The following OR2T11 variants were observed in gnomAD, a reference collection of about 807,000 sequenced individuals.
OR2T11 encodes the protein olfactory receptor family 2 subfamily T member 11, also known as olfactory receptor 2T11.
A neutral mutation model predicts 13.5 loss-of-function variants in OR2T11; 14 were observed. The observed-to-expected ratio is 1.04, with a 90% CI of 0.69 to 1.62. The LOEUF (loss-of-function observed/expected upper bound fraction) is 1.62, where lower values mean the gene tolerates loss of function less well. OR2T11 is among the 40% of genes most tolerant of loss of function. The probability of loss-of-function intolerance (pLI) is 0.00; values close to 1 mark genes in which losing one functional copy is unlikely to be tolerated. For synonymous variants in OR2T11, 163 were observed against 154.6 expected, an observed-to-expected ratio of 1.05 and a Z score of -0.40; for missense variants, 410 against 389.7, an observed-to-expected ratio of 1.05 and a Z score of -0.44.
Position 248,630,530 on chromosome 1 carries a change from G to C in OR2T11, c.-144-3258C>G, listed in dbSNP as rs1377070383. Among the ~76,000 whole-genome samples the C allele has an allele frequency of 3.5e-5, 5 of 143,726 alleles. 1 individual carries two copies. In the East Asian group the frequency reaches 1.0e-3, roughly 29 times the overall value. 94.3% of individuals were successfully genotyped at this position (143,726 alleles called of 152,430 possible). A position where few individuals can be genotyped will look rare whatever the true frequency, so the allele number is the denominator to read the frequency against. On this transcript the variant is annotated intron_variant, in intron 1 of 1. Transcript: ENST00000641193. ...AATTAATAGGTTGAAGATAACTTTA[G>C]CTTCAAGTGTTATTATACACCCAGA...
chr1:248,631,230 TTC>T (rs1205402349), intron 1 of OR2T11, among the ~76,000 whole-genome samples: 1 of 143,722 alleles, frequency 7.0e-6, no homozygotes, highest in Non-Finnish European at 1.5e-5. Context: ...ATAAATGATT[TTC>T]TTACTTAGCT....
chr1:248,630,269 CA>C lies in OR2T11; in HGVS notation c.-144-2998del, dbSNP rs147379803. ...AAAATGGGATCCACCAATATTTGAT[CA>C]AAAAAAACTTCATTCTAGGAAAAAT... On this transcript the variant is annotated intron_variant, in intron 1 of 1. Transcript: ENST00000641193. Among the ~76,000 whole-genome samples the C allele has an allele frequency of 3.1e-4, 44 of 141,600 alleles. 8 individuals carry two copies. The highest frequency in any genetic ancestry group is 8.7e-4 in the African/African-American group (31 of 35,742). The allele number at this position is 141,600 out of a possible 152,430, so 92.9% of individuals were successfully genotyped here.
intron 1 of OR2T11, among the ~76,000 whole-genome samples, chr1:248,630,239 A>G (rs1357336573): frequency 7.1e-6 from 1 of 141,766 alleles, no homozygotes; most frequent in Non-Finnish European, 1.5e-5. Flanking sequence ...TGCAAAATAG[A>G]CAAAAAAATG....
intron 1 of OR2T11, 75 bp downstream of exon 1, chr1:248,634,963 T>G (rs1431743493): frequency 7.1e-6 from 1 of 140,392 alleles, no homozygotes; most frequent in African/African-American, 2.8e-5. Context: ...TATTACAATT[T>G]TATATTGCAT....
chr1:248,628,635 C>A (rs1660556045), intron 1 of OR2T11, among the ~76,000 whole-genome samples: 2 of 143,198 alleles, frequency 1.4e-5, no homozygotes, highest in Admixed American at 1.4e-4. Flanking sequence ...CTTTACCATG[C>A]TGAAGTCATA....
rs975864984 is a variant in OR2T11 at position 248,633,740 on chromosome 1, G to T, written c.-145+1298C>A. ...TAAACACTTTGGAAATCCAGGGAAAGAACAATTTTGACAACATCAACTGAC... is the reference window on the plus strand; with the variant it reads ...TAAACACTTTGGAAATCCAGGGAAATAACAATTTTGACAACATCAACTGAC... On this transcript the variant is annotated intron_variant, in intron 1 of 1. Coordinates refer to ENST00000641193, the MANE Select transcript of OR2T11 (RefSeq NM_001001964.2). Among the ~76,000 whole-genome samples, 4 of 143,040 alleles carry T rather than the reference G, an allele frequency of 2.8e-5. 1 individual carries two copies. Among genetic ancestry groups the T allele is most frequent in the African/African-American group, 1.1e-4 (4 of 36,370 alleles). 93.8% of individuals were successfully genotyped at this position (143,040 alleles called of 152,430 possible). A position where few individuals can be genotyped will look rare whatever the true frequency, so the allele number is the denominator to read the frequency against.
Position 248,626,418 on chromosome 1 carries a change from A to G in OR2T11, c.711T>C (p.Thr237=). 1 of 1,571,796 alleles carries G rather than the reference A, an allele frequency of 6.4e-7. No individual in the cohort carries two copies. The highest frequency in any genetic ancestry group is 8.7e-7 in the Non-Finnish European group (1 of 1,155,680). Residue 237 remains threonine (T), a synonymous_variant, in exon 2 of 2, where the codon ACT becomes ACC. Transcript: ENST00000641193. ...SAEGRKKAFT[T]CSSHLTVVSI... is the part of the protein sequence containing the mutation. ...TAACTACAGTCAAGTGGGAGGAACA[A>G]GTGGTGAAGGCCTTTTTGCGACCTT...
Position 248,626,475 on chromosome 1 carries a change from G to T in OR2T11, c.654C>A (p.Ile218=). 16 of 1,573,042 alleles carry T rather than the reference G, an allele frequency of 1.0e-5. 2 individuals carry two copies. The highest frequency in any genetic ancestry group is 1.4e-5 in the Non-Finnish European group (16 of 1,156,672). The part of the protein sequence containing the change: ...ISIISTSYSL[I]LLTIHRMPSA... ...AGGGCATGCGGTGGATGGTTAACAA[G>T]ATGAGGGAGTAGGAAGTGGAGATGA... is the stretch of plus-strand genomic sequence containing the variant. The change falls in exon 2 of 2, where the codon ATC becomes ATA. Residue 218 remains isoleucine, a synonymous_variant. Coordinates refer to ENST00000641193, the MANE Select transcript of OR2T11 (RefSeq NM_001001964.2).
In OR2T11 at chr1:248,632,496, C is replaced by A. The variant is rs1660627933; in HGVS notation, c.-145+2542G>T. On this transcript the variant is annotated intron_variant, in intron 1 of 1. Transcript: ENST00000641193. ...TGGGGGAACTAAGTTACAGGAGAGT[C>A]TCCCTGCTGTGGATTGGGGACAGTT... is the stretch of plus-strand genomic sequence containing the variant. Among the ~76,000 whole-genome samples the A allele has an allele frequency of 1.5e-5, 2 of 137,216 alleles. 1 individual carries two copies. Among genetic ancestry groups the A allele is most frequent in the Non-Finnish European group, 3.1e-5 (2 of 64,674 alleles). The allele number at this position is 137,216 out of a possible 152,430, so 90.0% of individuals were successfully genotyped here.
chr1:248,634,819 C>G (rs1274971180), intron 1 of OR2T11, among the ~76,000 whole-genome samples: 1 of 143,410 alleles, frequency 7.0e-6, no homozygotes. Flanking sequence ...CAGAGGTCTG[C>G]GTTTTTCCTT....
chr1:248,625,261 G>A lies in OR2T11; in HGVS notation c.*917C>T, dbSNP rs1295410591. On this transcript the variant is annotated 3_prime_UTR_variant, in exon 2 of 2. Coordinates refer to ENST00000641193, the MANE Select transcript of OR2T11 (RefSeq NM_001001964.2). The stretch of plus-strand genomic sequence containing the variant: ...GTTTCTCATCTCTGAAACCTCAATT[G>A]TCTTCCTGTATCCATGTTTGCCCTT... The A allele has an allele frequency of 7.0e-6, 1 of 143,002 alleles. No homozygotes were observed. The highest frequency in any genetic ancestry group is 2.8e-5 in the African/African-American group (1 of 36,176). 8.9% of individuals were successfully genotyped at this position (143,002 alleles called of 1,614,324 possible). A position where few individuals can be genotyped will look rare whatever the true frequency, so the allele number is the denominator to read the frequency against.
intron 1 of OR2T11, among the ~76,000 whole-genome samples, chr1:248,630,592 C>A (rs1361459608): frequency 7.0e-6 from 1 of 143,794 alleles, no homozygotes; most frequent in Non-Finnish European, 1.5e-5. Flanking sequence ...TAGAATTCAC[C>A]TTATGTTAAA....
At chr1:248,633,992 T>TA (rs2103104661) in intron 1 of OR2T11, among the ~76,000 whole-genome samples, 1 of 23,598 alleles carries the variant, frequency 4.2e-5, no homozygotes, top group Non-Finnish European at 3.9e-4. Flanking sequence ...AGTTTTTTGG[T>TA]GTTTTTTTTT....
rs1160729050 is a variant in OR2T11, at chr1:248,624,186, C to T, written c.*1992G>A. On this transcript the variant is annotated 3_prime_UTR_variant, in exon 2 of 2. Transcript: ENST00000641193. The stretch of plus-strand genomic sequence containing the variant: ...AAACTTTCCTCCATTTCTCATATAT[C>T]GATTTTCTTTTTGTACTGAATTATT... 3 of 143,356 alleles carry T rather than the reference C, an allele frequency of 2.1e-5. 1 individual carries two copies. Among genetic ancestry groups the T allele is most frequent in the African/African-American group, 8.2e-5 (3 of 36,400 alleles). 8.9% of individuals were successfully genotyped at this position (143,356 alleles called of 1,614,324 possible).
Position 248,626,579 on chromosome 1 carries a change from G to A in OR2T11, c.550C>T (p.Leu184=). ...FFCEIPAVLK[L]ACADTSLYET... is the part of the protein sequence containing the mutation. Reference sequence around the variant, plus strand: ...TACAAGGACGTGTCTGCACAGGCCAGTTTCAGAACTGCTGGGATCTCACAG... The same window carrying A: ...TACAAGGACGTGTCTGCACAGGCCAATTTCAGAACTGCTGGGATCTCACAG... Residue 184 remains leucine, a synonymous_variant, in exon 2 of 2, where the codon CTG becomes TTG. Transcript: ENST00000641193. 6.4e-7 allele frequency: 1 copy of A among 1,573,194 alleles called. No homozygotes were observed. The highest frequency in any genetic ancestry group is 8.6e-7 in the Non-Finnish European group (1 of 1,156,570).
rs914591334 is a variant in OR2T11 at position 248,627,537 on chromosome 1, G to GA, written c.-144-266dup. Among the ~76,000 whole-genome samples, 6 of 143,336 alleles carry GA rather than the reference G, an allele frequency of 4.2e-5. 2 individuals carry two copies. Among genetic ancestry groups the GA allele is most frequent in the African/African-American group, 1.7e-4 (6 of 36,350 alleles). 94.0% of individuals were successfully genotyped at this position (143,336 alleles called of 152,430 possible). A position where few individuals can be genotyped will look rare whatever the true frequency, so the allele number is the denominator to read the frequency against. ...GTAAATACTAGTTGGAAAAAAGGGT[G>GA]ATTCATTGACCAAATGGATAAAGGG... On this transcript the variant is annotated intron_variant, in intron 1 of 1. Coordinates refer to ENST00000641193, the MANE Select transcript of OR2T11 (RefSeq NM_001001964.2).
At position 248,626,837 on chromosome 1, in the gene OR2T11, T is replaced by G; in HGVS notation, c.292A>C (p.Ile98Leu). ...IISFVACGIQ[I>L]FLYLTMIGSE... ...CCAATCATGGTCAGGTAGAGGAAGA[T>G]CTGGATGCCACAGGCCACAAAGGAA... is the stretch of plus-strand genomic sequence containing the variant. The change falls in exon 2 of 2, where the codon ATC becomes CTC. Residue 98 changes from isoleucine to leucine, a missense_variant. By Grantham distance (5) the Ile-to-Leu change is conservative. Transcript: ENST00000641193. The G allele has an allele frequency of 1.3e-6, 2 of 1,571,862 alleles. No homozygotes were observed. Among genetic ancestry groups the G allele is most frequent in the Non-Finnish European group, 1.7e-6 (2 of 1,156,234 alleles).
rs1287913572 is a variant in OR2T11, at chr1:248,624,204, G to C, written c.*1974C>G. 1 of 142,836 alleles carries C rather than the reference G, an allele frequency of 7.0e-6. No homozygotes were observed. The highest frequency in any genetic ancestry group is 1.5e-5 in the Non-Finnish European group (1 of 66,204). 8.8% of individuals were successfully genotyped at this position (142,836 alleles called of 1,614,324 possible). On this transcript the variant is annotated 3_prime_UTR_variant, in exon 2 of 2. Transcript: ENST00000641193. ...CATATATCGATTTTCTTTTTGTACT[G>C]AATTATTCCTTTGAACTTCATACTC...
chr1:248,628,398 C>T lies in OR2T11; in HGVS notation c.-144-1126G>A, dbSNP rs1457835336. 1.1e-4 allele frequency among the ~76,000 whole-genome samples: 15 copies of T among 139,904 alleles called. 3 individuals are homozygous for T. Among genetic ancestry groups the T allele is most frequent in the African/African-American group, 2.9e-4 (10 of 34,862 alleles). The allele number at this position is 139,904 out of a possible 152,430, so 91.8% of individuals were successfully genotyped here. The stretch of plus-strand genomic sequence containing the variant: ...AAACATTTGTGTAAAAATGAAAGTC[C>T]GATCAACGGGGGAGCCCGGATGCTG... On this transcript the variant is annotated intron_variant, in intron 1 of 1. Coordinates refer to ENST00000641193, the MANE Select transcript of OR2T11 (RefSeq NM_001001964.2).
Sources: gnomAD v4.1 joint callset for allele counts (sites outside exome capture counted in the v4.1 genomes callset) on GRCh38, gnomAD v4.1.1 for gene constraint, MANE v1.5 for transcripts, NCBI Gene and HGNC (gene_info 2026-07-23, HGNC 2026-07-21) for gene names.